PSD3: variants seen among roughly 807,000 people sequenced by gnomAD.
PSD3 encodes pleckstrin and Sec7 domain containing 3, also known as PH and SEC7 domain-containing protein 3.
PSD3 carries 49 observed loss-of-function variants against 105.5 expected under a neutral mutation model. The observed-to-expected ratio is 0.46, with a 90% CI of 0.37 to 0.59. The LOEUF is 0.59. Among genes scored for constraint, PSD3 ranks in the 20% least tolerant of loss-of-function variants. The pLI is 0.00. For missense variants in PSD3, 1,561 were observed against 1,263.8 expected, an observed-to-expected ratio of 1.24 and a Z score of -3.57; for synonymous variants, 557 against 457.8, an observed-to-expected ratio of 1.22 and a Z score of -2.77.
At chr8:18,651,236 A>C (rs1442766159) in intron 10 of PSD3, among the ~76,000 whole-genome samples, 1 of 152,206 alleles carries the variant, frequency 6.6e-6, no homozygotes, top group Non-Finnish European at 1.5e-5. Flanking sequence ...CTGTAACCCA[A>C]GGTTACACTG....
chr8:19,011,045 G>C (rs1423334413), intron 1 of PSD3, among the ~76,000 whole-genome samples: 2 of 151,386 alleles, frequency 1.3e-5, no homozygotes, highest in African/African-American at 2.4e-5. Flanking sequence ...TTTACAGTCT[G>C]ACCCAACTTC....
At chr8:18,730,044 T>A (rs1363907507) in intron 9 of PSD3, 1 of 152,204 alleles carries the variant, frequency 6.6e-6, no homozygotes, top group Non-Finnish European at 1.5e-5. Context: ...AACAGGAATA[T>A]CATACGGGAT....
intron 1 of PSD3, among the ~76,000 whole-genome samples, chr8:18,969,407 A>T (rs11204009): frequency 7.2e-5 from 11 of 152,090 alleles, no homozygotes; most frequent in Non-Finnish European, 1.6e-4. Flanking sequence ...CATAGAAATC[A>T]ACGGTACACC....
At chr8:18,721,323 T>C (rs1277949056) in intron 9 of PSD3, 1 of 151,024 alleles carries the variant, frequency 6.6e-6, no homozygotes, top group East Asian at 1.9e-4. Context: ...CCAGGGGTGC[T>C]ATGTAAGACT....
chr8:18,780,568 G>C lies in PSD3; in HGVS notation c.2083-15030C>G, dbSNP rs146451886. ...CCTCTATTTATTTATTTATTTTTTT[G>C]TGAGACCGACACTCACTCTGTTGCC... On this transcript the variant is annotated intron_variant, in intron 8 of 15. Transcript: ENST00000327040. 2.8e-3 allele frequency among the ~76,000 whole-genome samples: 423 copies of C among 150,700 alleles called. 4 individuals are homozygous for C. The highest frequency in any genetic ancestry group is 0.027 in the Middle Eastern group (8 of 294).
chr8:18,682,030 C>G (rs1800418619), intron 9 of PSD3, among the ~76,000 whole-genome samples: 1 of 151,806 alleles, frequency 6.6e-6, no homozygotes, highest in Non-Finnish European at 1.5e-5. Flanking sequence ...AGTGCTTGGC[C>G]TTCTCTTCCA....
chr8:18,721,851 ATT>A (rs1186323578), intron 9 of PSD3, among the ~76,000 whole-genome samples: 1 of 152,192 alleles, frequency 6.6e-6, no homozygotes, highest in Non-Finnish European at 1.5e-5. Flanking sequence ...AATGTGTTGC[ATT>A]AAAAGTGAGC....
chr8:18,661,863 C>G (rs906302341), intron 9 of PSD3, among the ~76,000 whole-genome samples: 1 of 152,120 alleles, frequency 6.6e-6, no homozygotes, highest in Non-Finnish European at 1.5e-5. Context: ...TGTGTTCTCC[C>G]GTACCCACTG....
intron 14 of PSD3, among the ~76,000 whole-genome samples, chr8:18,569,444 T>C (rs1324934703): frequency 4.0e-5 from 6 of 150,572 alleles, no homozygotes; most frequent in Non-Finnish European, 1.5e-5. Flanking sequence ...ATCACAAGCA[T>C]TCTTATACAC....
intron 4 of PSD3, among the ~76,000 whole-genome samples, chr8:18,834,047 AGAAGT>A (rs1197642038): frequency 6.6e-6 from 1 of 152,188 alleles, no homozygotes; most frequent in East Asian, 1.9e-4. Flanking sequence ...TTTTGCTGAG[AGAAGT>A]GAATTACAGT....
chr8:18,931,325 C>T (rs1245800766), intron 2 of PSD3, among the ~76,000 whole-genome samples: 2 of 151,880 alleles, frequency 1.3e-5, no homozygotes, highest in South Asian at 2.1e-4. Context: ...TTCACTTTAC[C>T]TTTAAAAAAA....
chr8:18,603,862 T>C (rs1804616219), intron 11 of PSD3, among the ~76,000 whole-genome samples: 2 of 152,188 alleles, frequency 1.3e-5, no homozygotes. Flanking sequence ...CAGCTATGAC[T>C]GTAAGTTTCC....
intron 10 of PSD3, among the ~76,000 whole-genome samples, chr8:18,634,355 G>T (rs1354614792): frequency 5.3e-5 from 8 of 151,870 alleles, no homozygotes; most frequent in Non-Finnish European, 1.2e-4. Context: ...CTTTTATTTT[G>T]AAAGAATTTT....
At chr8:18,942,620 T>C (rs1044817988) in intron 1 of PSD3, among the ~76,000 whole-genome samples, 6 of 152,146 alleles carry the variant, frequency 3.9e-5, no homozygotes, top group African/African-American at 1.4e-4. Context: ...ATGACTAATG[T>C]CTTCATATGA....
intron 4 of PSD3, among the ~76,000 whole-genome samples, chr8:18,842,713 A>T (rs1268739140): frequency 6.6e-6 from 1 of 150,610 alleles, no homozygotes; most frequent in Non-Finnish European, 1.5e-5. Flanking sequence ...AGCCTGGGCG[A>T]CAAAGCGAGA....
chr8:18,855,742 G>T (rs1815958236), intron 4 of PSD3, among the ~76,000 whole-genome samples: 1 of 152,312 alleles, frequency 6.6e-6, no homozygotes, highest in East Asian at 1.9e-4. Flanking sequence ...CTAAAGGAAT[G>T]ATAAACATCA....
At chr8:19,013,123 T>G (rs78264515) in intron 1 of PSD3, among the ~76,000 whole-genome samples, 3,524 of 152,178 alleles carry the variant, frequency 0.023, 159 homozygotes, top group African/African-American at 0.081. Context: ...TCCTGGGAAT[T>G]GCACCGAATA....
At chr8:18,838,633 C>A (rs959450824) in intron 4 of PSD3, among the ~76,000 whole-genome samples, 15 of 151,722 alleles carry the variant, frequency 9.9e-5, no homozygotes, top group African/African-American at 3.6e-4. Context: ...AACCCCATCT[C>A]TACTAAAAAT....
intron 1 of PSD3, among the ~76,000 whole-genome samples, chr8:18,976,169 A>C (rs7843431): frequency 0.065 from 9,505 of 145,750 alleles, 1,014 homozygotes; most frequent in African/African-American, 0.22. Flanking sequence ...TTTGCAATGC[A>C]TAGGAGAATT....
Sources: allele counts gnomAD v4.1 joint callset (sites outside exome capture counted in the v4.1 genomes callset), GRCh38; gene constraint gnomAD v4.1.1; transcripts MANE v1.5; gene names NCBI Gene and HGNC (gene_info 2026-07-23, HGNC 2026-07-21).